ARHGEF3: variants seen among roughly 807,000 people sequenced by gnomAD.
ARHGEF3 encodes Rho guanine nucleotide exchange factor 3.
In ARHGEF3, 28 loss-of-function variants were observed where a neutral mutation model predicts 63.2. The ratio of observed to expected loss-of-function variants is 0.44; its 90% CI spans 0.33 to 0.61. The LOEUF (loss-of-function observed/expected upper bound fraction) is 0.61, where lower values mean the gene tolerates loss of function less well. Among genes scored for constraint, ARHGEF3 ranks in the 20% least tolerant of loss-of-function variants. The pLI, the probability that ARHGEF3 is intolerant of heterozygous loss-of-function variation, is 0.03. For missense variants in ARHGEF3, 533 were observed against 659.3 expected (o/e 0.81, Z 2.10); for synonymous variants, 266 against 254.2 (o/e 1.05, Z -0.44).
intron 2 of ARHGEF3, chr3:56,975,671 G>C: frequency 3.3e-6 from 1 of 302,008 alleles, no homozygotes; most frequent in Non-Finnish European, 6.5e-6. Flanking sequence ...AGGCAATCTG[G>C]CTCTAGAGTT....
exon 2 of ARHGEF3, chr3:57,035,096 G>A (rs1703896241): frequency 6.5e-7 from 1 of 1,544,070 alleles, no homozygotes; most frequent in Non-Finnish European, 8.7e-7. Flanking sequence ...ACCTTTCCTT[G>A]TTTTCTTCCA....
At chr3:57,012,352 G>A (rs987918355) in intron 2 of ARHGEF3, among the ~76,000 whole-genome samples, 3 of 152,074 alleles carry the variant, frequency 2.0e-5, no homozygotes, top group Admixed American at 6.6e-5. Context: ...TCCACCTCCC[G>A]GGTTTAAGTG....
intron 2 of ARHGEF3, among the ~76,000 whole-genome samples, chr3:57,011,552 A>G (rs545310443): frequency 1.3e-5 from 2 of 152,108 alleles, no homozygotes; most frequent in Non-Finnish European, 2.9e-5. Flanking sequence ...AATGCACAGG[A>G]CAGCCCCCCA....
chr3:57,033,241 G>T (rs1234169714), intron 2 of ARHGEF3, among the ~76,000 whole-genome samples: 1 of 152,038 alleles, frequency 6.6e-6, no homozygotes, highest in Non-Finnish European at 1.5e-5. Flanking sequence ...TCTAATCCGC[G>T]GCAACCTCCC....
intron 2 of ARHGEF3, among the ~76,000 whole-genome samples, chr3:56,961,797 T>G (rs1412377911): frequency 6.6e-6 from 1 of 152,094 alleles, no homozygotes; most frequent in Non-Finnish European, 1.5e-5. Flanking sequence ...AATCCCAGCA[T>G]TTTGGGAGGC....
At chr3:56,922,382 T>A (rs951106082) in intron 3 of ARHGEF3, among the ~76,000 whole-genome samples, 17 of 152,062 alleles carry the variant, frequency 1.1e-4, no homozygotes, top group African/African-American at 4.1e-4. Context: ...TAAAAACTGA[T>A]TAGCTGATAT....
intron 4 of ARHGEF3, among the ~76,000 whole-genome samples, chr3:56,847,186 A>C (rs1165181772): frequency 6.6e-6 from 1 of 152,226 alleles, no homozygotes; most frequent in African/African-American, 2.4e-5. Context: ...AACTACAGAT[A>C]GAAAGATTCA....
chr3:56,761,000 G>C lies in ARHGEF3; in HGVS notation c.205-5849C>G, dbSNP rs1020137118. 3.3e-5 allele frequency among the ~76,000 whole-genome samples: 5 copies of C among 152,262 alleles called. 1 individual carries two copies. Among genetic ancestry groups the C allele is most frequent in the Admixed American group, 6.5e-5 (1 of 15,302 alleles). On this transcript the variant is annotated intron_variant, in intron 2 of 9. Transcript: ENST00000296315. ...GAATGCCAACCATTTGTCCAGGTGAGGTTACTGACACCTGTAAGTCTAGCA... is the reference window on the plus strand; with the variant it reads ...GAATGCCAACCATTTGTCCAGGTGACGTTACTGACACCTGTAAGTCTAGCA...
intron 2 of ARHGEF3, among the ~76,000 whole-genome samples, chr3:57,023,633 A>G (rs182124004): frequency 2.6e-4 from 40 of 152,290 alleles, no homozygotes; most frequent in African/African-American, 7.0e-4. Context: ...GCCATATGAC[A>G]TGATCCAGTC....
chr3:56,731,929 T>G (rs773642154), intron 9 of ARHGEF3: 112 of 557,096 alleles, frequency 2.0e-4, no homozygotes, highest in Non-Finnish European at 3.0e-4. Flanking sequence ...CATGTTTTTA[T>G]CCAATGGAAA....
At chr3:56,996,890 A>ATTATTT (rs1553801009) in intron 2 of ARHGEF3, among the ~76,000 whole-genome samples, 2,765 of 136,394 alleles carry the variant, frequency 0.02, 35 homozygotes, top group Non-Finnish European at 0.03. Flanking sequence ...TATTATTATT[A>ATTATTT]TTTTTTTTTT....
At chr3:56,971,349 C>T (rs1700903199) in intron 2 of ARHGEF3, among the ~76,000 whole-genome samples, 1 of 152,142 alleles carries the variant, frequency 6.6e-6, no homozygotes, top group Non-Finnish European at 1.5e-5. Context: ...CCAGTCATCT[C>T]CTTTTCCCCA....
At chr3:56,908,494 G>A (rs1445740904) in intron 3 of ARHGEF3, among the ~76,000 whole-genome samples, 1 of 152,154 alleles carries the variant, frequency 6.6e-6, no homozygotes, top group Non-Finnish European at 1.5e-5. Flanking sequence ...TGCCCTAAGG[G>A]GCTCACACCA....
chr3:56,925,352 C>A (rs1560055797), intron 3 of ARHGEF3, among the ~76,000 whole-genome samples: 1 of 152,348 alleles, frequency 6.6e-6, no homozygotes, highest in East Asian at 1.9e-4. Flanking sequence ...CTACCCTAGA[C>A]ACTGTAATAA....
chr3:56,975,959 A>G (rs1222602163), intron 2 of ARHGEF3: 2 of 227,490 alleles, frequency 8.8e-6, no homozygotes, highest in Non-Finnish European at 1.8e-5. Flanking sequence ...ATAGAAGGGT[A>G]ATTTCAATTT....
intron 4 of ARHGEF3, among the ~76,000 whole-genome samples, chr3:56,881,002 A>G (rs2040746398): frequency 6.8e-6 from 1 of 148,124 alleles, no homozygotes; most frequent in Non-Finnish European, 1.5e-5. Context: ...GGCTGGTTGC[A>G]TCACAGAAAA....
intron 6 of ARHGEF3, among the ~76,000 whole-genome samples, chr3:56,750,750 G>A (rs777155382): frequency 1.7e-4 from 26 of 148,784 alleles, no homozygotes; most frequent in Non-Finnish European, 3.1e-4. Flanking sequence ...TTGGCCTGAC[G>A]GAATATTAAC....
At chr3:57,015,235 C>A (rs143470312) in intron 2 of ARHGEF3, among the ~76,000 whole-genome samples, 194 of 152,194 alleles carry the variant, frequency 1.3e-3, no homozygotes, top group Non-Finnish European at 1.5e-3. Flanking sequence ...AACACTATAC[C>A]CCGTTTCTAA....
At chr3:56,751,202 G>C (rs912158741) in intron 5 of ARHGEF3, 70 bp from the exon 6 acceptor site, 3 of 1,566,376 alleles carry the variant, frequency 1.9e-6, no homozygotes, top group Middle Eastern at 1.7e-4. Context: ...GTAGGTTCTG[G>C]GTTATTCACA....
Sources: allele counts gnomAD v4.1 joint callset (sites outside exome capture counted in the v4.1 genomes callset), GRCh38; gene constraint gnomAD v4.1.1; transcripts MANE v1.5; gene names NCBI Gene and HGNC (gene_info 2026-07-23, HGNC 2026-07-21).